The following BACE2 variants were observed in gnomAD, a reference collection of about 807,000 sequenced individuals.
BACE2 encodes the protein 56 kDa aspartic-like protease.
In BACE2, 17 loss-of-function variants were observed where a neutral mutation model predicts 46.2. That is an observed-to-expected ratio of 0.37 (90% CI 0.25 to 0.55). BACE2 has a LOEUF of 0.55. Among genes scored for constraint, BACE2 ranks in the 20% least tolerant of loss-of-function variants. BACE2 has a pLI of 0.82. For missense variants in BACE2, 595 were observed against 698.1 expected (o/e 0.85, Z 1.66); for synonymous variants, 277 against 295.9 (o/e 0.94, Z 0.66).
At chr21:41,204,937 CT>C (rs1298269905) in intron 1 of BACE2, among the ~76,000 whole-genome samples, 2 of 151,682 alleles carry the variant, frequency 1.3e-5, no homozygotes, top group African/African-American at 4.8e-5. Flanking sequence ...TATTAAAATA[CT>C]TTTTTTTTCT....
chr21:41,217,632 G>T (rs1568871972), intron 1 of BACE2, among the ~76,000 whole-genome samples: 1 of 142,860 alleles, frequency 7.0e-6, no homozygotes, highest in Non-Finnish European at 1.5e-5. Context: ...TGCTGGACAC[G>T]TTGTACTTTG....
At position 41,221,910 on chromosome 21, in the gene BACE2, CA is replaced by C. The variant is rs376985981; in HGVS notation, c.313-4353del. ...CAGGCATGCACGGCAGACAGAGCAG[CA>C]AACAGCAAAAATCCCTGTCAGAGGG... is the stretch of plus-strand genomic sequence containing the variant. On this transcript the variant is annotated intron_variant, in intron 1 of 8. Transcript: ENST00000330333. 2.9e-3 allele frequency among the ~76,000 whole-genome samples: 435 copies of C among 151,868 alleles called. 4 individuals are homozygous for C. The highest frequency in any genetic ancestry group is 9.9e-3 in the African/African-American group (408 of 41,420).
chr21:41,224,783 G>A (rs966350642), intron 1 of BACE2, among the ~76,000 whole-genome samples: 4 of 152,168 alleles, frequency 2.6e-5, no homozygotes, highest in African/African-American at 7.2e-5. Flanking sequence ...TTCCACACCC[G>A]TTAGCATGGT....
intron 1 of BACE2, among the ~76,000 whole-genome samples, chr21:41,212,026 G>C (rs1045840918): frequency 6.6e-6 from 1 of 152,242 alleles, no homozygotes; most frequent in Non-Finnish European, 1.5e-5. Flanking sequence ...CTGTTTTCTT[G>C]TTTATTTCAT....
intron 2 of BACE2, among the ~76,000 whole-genome samples, chr21:41,232,691 C>G (rs544421216): frequency 1.3e-5 from 2 of 152,094 alleles, no homozygotes; most frequent in African/African-American, 2.4e-5. Context: ...ACTGTGTCCC[C>G]CTTCGCCCTC....
intron 3 of BACE2, among the ~76,000 whole-genome samples, chr21:41,239,218 C>T (rs1987221725): frequency 6.6e-6 from 1 of 152,120 alleles, no homozygotes; most frequent in African/African-American, 2.4e-5. Context: ...AGGAAGTTTA[C>T]AGCCCTTGGC....
chr21:41,198,627 A>G (rs1601258411), intron 1 of BACE2, among the ~76,000 whole-genome samples: 1 of 152,184 alleles, frequency 6.6e-6, no homozygotes, highest in East Asian at 1.9e-4. Context: ...TGCAGTCTCT[A>G]CTCTACGGGT....
chr21:41,252,835 C>T (rs1484489377), intron 7 of BACE2, among the ~76,000 whole-genome samples: 3 of 152,120 alleles, frequency 2.0e-5, no homozygotes, highest in Non-Finnish European at 4.4e-5. Context: ...TTCATCTTTA[C>T]GTTGTGGGGA....
chr21:41,239,432 C>T (rs1454480798), intron 3 of BACE2, among the ~76,000 whole-genome samples: 1 of 152,086 alleles, frequency 6.6e-6, no homozygotes. Context: ...GGCTGGAGTG[C>T]AGCAGTGTAA....
intron 1 of BACE2, among the ~76,000 whole-genome samples, chr21:41,215,423 C>A (rs1986432900): frequency 6.6e-6 from 1 of 152,174 alleles, no homozygotes; most frequent in South Asian, 2.1e-4. Context: ...GACACAGGCA[C>A]CATCATCTTT....
rs929599237 is a variant in BACE2 at position 41,193,999 on chromosome 21, A to G, written c.312+25424A>G. Among the ~76,000 whole-genome samples the G allele has an allele frequency of 2.6e-5, 4 of 152,210 alleles. 1 individual carries two copies. The South Asian group carries it at 8.3e-4, about 32-fold the overall frequency. On this transcript the variant is annotated intron_variant, in intron 1 of 8. Transcript: ENST00000330333. The surrounding 1 kb of genome is among the most constrained non-coding windows in gnomAD (Gnocchi z 4.2). ...TCACTGCATACATTGTCGGTAATGT[A>G]GTGGGGTCCTTCCTCAAGGGGACCC... is the stretch of plus-strand genomic sequence containing the variant.
intron 1 of BACE2, among the ~76,000 whole-genome samples, chr21:41,216,019 G>A (rs2123555529): frequency 6.6e-6 from 1 of 152,304 alleles, no homozygotes; most frequent in South Asian, 2.1e-4. Flanking sequence ...GGCATGAGGT[G>A]AGGAACCTGG....
intron 8 of BACE2, among the ~76,000 whole-genome samples, chr21:41,271,716 C>T (rs1243200945): frequency 3.9e-5 from 6 of 152,120 alleles, no homozygotes; most frequent in Admixed American, 3.9e-4. Flanking sequence ...CCACAGTCTA[C>T]CACTTCATAT....
At position 41,241,879 on chromosome 21, in the gene BACE2, G is replaced by A. The variant is rs139181635; in HGVS notation, c.679G>A (p.Val227Ile). ...GGTGACACAAGCAAACATCCCCAACGTTTTCTCCATGCAGATGTGTGGAGC... is the reference window on the plus strand; with the variant it reads ...GGTGACACAAGCAAACATCCCCAACATTTTCTCCATGCAGATGTGTGGAGC... ...SLVTQANIPN[V>I]FSMQMCGAGL... is the part of the protein sequence containing the mutation. The change falls in exon 4 of 9, where the codon GTT becomes ATT. Residue 227 changes from valine (V) to isoleucine (I), a missense_variant. Around this residue, in one of 3 missense-constraint regions of BACE2, gnomAD observed 343 missense variants for 419.4 expected, o/e 0.82. Coordinates refer to ENST00000330333, the MANE Select transcript of BACE2 (RefSeq NM_012105.5). The A allele has an allele frequency of 6.3e-5, 102 of 1,614,036 alleles. No individual in the cohort carries two copies. Among genetic ancestry groups the A allele is most frequent in the Non-Finnish European group, 2.3e-5 (27 of 1,180,024 alleles).
chr21:41,181,043 T>G (rs980587003), intron 1 of BACE2: 8 of 167,146 alleles, frequency 4.8e-5, no homozygotes, highest in African/African-American at 1.9e-4. Flanking sequence ...GCCACCCTGA[T>G]TCCTGCCAGA....
At chr21:41,243,705 T>C (rs1247476100) in intron 5 of BACE2, among the ~76,000 whole-genome samples, 195 bp downstream of exon 5, 2 of 152,142 alleles carry the variant, frequency 1.3e-5, no homozygotes, top group Non-Finnish European at 2.9e-5. Flanking sequence ...CCCCAAATAT[T>C]GCATCCTCCC....
chr21:41,264,559 C>T (rs1988020963), intron 8 of BACE2, among the ~76,000 whole-genome samples: 2 of 152,026 alleles, frequency 1.3e-5, no homozygotes, highest in Admixed American at 1.3e-4. Flanking sequence ...GAAAGGGAAG[C>T]AGGCACAGTC....
At chr21:41,174,639 G>A (rs1376034845) in intron 1 of BACE2, among the ~76,000 whole-genome samples, 1 of 152,162 alleles carries the variant, frequency 6.6e-6, no homozygotes, top group Non-Finnish European at 1.5e-5. Context: ...TGGAGAAGAG[G>A]TGGGGGGTTA....
intron 1 of BACE2, among the ~76,000 whole-genome samples, chr21:41,171,041 C>A (rs1984590845): frequency 6.6e-6 from 1 of 152,204 alleles, no homozygotes; most frequent in African/African-American, 2.4e-5. Flanking sequence ...ACTTCAGAAG[C>A]CAAGTTCTGA....
Sources: allele counts gnomAD v4.1 joint callset (sites outside exome capture counted in the v4.1 genomes callset), GRCh38; gene constraint gnomAD v4.1.1; regional missense constraint gnomAD v4.1.1; non-coding constraint Gnocchi (gnomAD v3.1); transcripts MANE v1.5; gene names NCBI Gene and HGNC (gene_info 2026-07-23, HGNC 2026-07-21).